Variants in ZNF593OS observed in about 807,000 individuals in gnomAD.
The protein encoded by ZNF593OS is transmembrane protein ZNF593OS.
downstream of ZNF593OS, chr1:26,169,948 C>T (rs1365746301): frequency 1.3e-6 from 2 of 1,516,148 alleles, no homozygotes; most frequent in Non-Finnish European, 1.8e-6. Context: ...CCCTGCCCTG[C>T]TCCTGGCCCC....
chr1:26,170,961 G>T (rs1309511882), exon 2 of ZNF593OS: 1 of 593,508 alleles, frequency 1.7e-6, no homozygotes, highest in Non-Finnish European at 3.0e-6. Flanking sequence ...CCAGGCCTAG[G>T]GTGTCTACTC....
chr1:26,170,098 G>C, downstream of ZNF593OS: 2 of 1,570,700 alleles, frequency 1.3e-6, no homozygotes, highest in South Asian at 2.3e-5. Context: ...GCGGCCTCAG[G>C]GATCCGCACG....
At chr1:26,170,132 A>C (rs1486131304), downstream of ZNF593OS, 10 of 1,572,242 alleles carry the variant, frequency 6.4e-6, no homozygotes, top group Non-Finnish European at 7.8e-6. Context: ...CCAAACGCCG[A>C]GTTCGACCCC....
Position 26,171,139 on chromosome 1 carries a change from C to A in ZNF593OS, c.*50G>T, listed in dbSNP as rs940206899. ...AAGAAGGCTTCTGAGATTGCACCCC[C>A]CTCCCGAGTCACCTACCCCCAGCAT... On this transcript the variant is annotated 3_prime_UTR_variant, in exon 2 of 2. Coordinates refer to ENST00000648649, the Ensembl canonical transcript of ZNF593OS. The surrounding 1 kb of genome is among the most constrained non-coding windows in gnomAD (Gnocchi z 5.5). 16 of 409,520 alleles carry A rather than the reference C, an allele frequency of 3.9e-5. No homozygotes were observed. The highest frequency in any genetic ancestry group is 6.0e-5 in the Non-Finnish European group (14 of 232,098). 25.4% of individuals were successfully genotyped at this position (409,520 alleles called of 1,614,324 possible). A position where few individuals can be genotyped will look rare whatever the true frequency, so the allele number is the denominator to read the frequency against.
downstream of ZNF593OS, chr1:26,169,964 C>T (rs2232648): frequency 0.29 from 446,771 of 1,526,502 alleles, 68,950 homozygotes; most frequent in Non-Finnish European, 0.32. Flanking sequence ...GCCCCTTGGC[C>T]GGCCGGGCTG....
chr1:26,169,983 C>T (rs2088468055), downstream of ZNF593OS: 4 of 1,541,868 alleles, frequency 2.6e-6, no homozygotes, highest in South Asian at 1.2e-5. Context: ...TGTTTCTGGC[C>T]ATGGGTCGCT....
downstream of ZNF593OS, chr1:26,169,969 G>T: frequency 6.5e-7 from 1 of 1,531,832 alleles, no homozygotes; most frequent in Non-Finnish European, 8.8e-7. Flanking sequence ...TTGGCCGGCC[G>T]GGCTGTTTCT....
chr1:26,169,820 G>T, downstream of ZNF593OS: 1 of 741,160 alleles, frequency 1.3e-6, no homozygotes, highest in Non-Finnish European at 2.0e-6. Context: ...CGGCCGCCTG[G>T]CGGCGCTCGA....
downstream of ZNF593OS, chr1:26,169,665 G>GC (rs1273318528): frequency 2.2e-6 from 1 of 449,366 alleles, no homozygotes; most frequent in African/African-American, 2.1e-5. Context: ...GTTGGACCAG[G>GC]CCAGGAAGAG....
chr1:26,170,275 T>C, downstream of ZNF593OS: 1 of 1,551,404 alleles, frequency 6.4e-7, no homozygotes, highest in Non-Finnish European at 8.7e-7. Context: ...GCGCAGAGTC[T>C]TCTCTCTTGG....
At chr1:26,169,944 C>T (rs562127693), downstream of ZNF593OS, 37 of 1,511,138 alleles carry the variant, frequency 2.4e-5, no homozygotes, top group East Asian at 2.0e-4. Flanking sequence ...TGCTCCCTGC[C>T]CTGCTCCTGG....
At chr1:26,170,657 C>T in exon 2 of ZNF593OS, 1 of 1,612,088 alleles carries the variant, frequency 6.2e-7, no homozygotes, top group Non-Finnish European at 8.5e-7. Flanking sequence ...GCCCCCCAGG[C>T]GGCTGGCAGT....
At chr1:26,170,885 C>T (rs561338936) in exon 2 of ZNF593OS, 9 of 834,588 alleles carry the variant, frequency 1.1e-5, no homozygotes, top group South Asian at 5.5e-5. Flanking sequence ...TTGCCTCCAA[C>T]TCTAACTTCC....
downstream of ZNF593OS, chr1:26,169,694 C>T: frequency 2.1e-6 from 1 of 484,586 alleles, no homozygotes. Context: ...CAAGACGGCC[C>T]CGAAACCCCC....
downstream of ZNF593OS, chr1:26,169,920 A>AGTGCTCACACGT: frequency 6.9e-7 from 1 of 1,457,760 alleles, no homozygotes; most frequent in Non-Finnish European, 9.1e-7. Context: ...TCGGCCCGGA[A>AGTGCTCACACGT]GTGCTCACAC....
rs1032143588 is a variant in ZNF593OS at position 26,171,234 on chromosome 1, G to A, written c.147C>T (p.Ala49=). 9.8e-6 allele frequency: 4 copies of A among 407,352 alleles called. No individual in the cohort carries two copies. The highest frequency in any genetic ancestry group is 3.5e-5 in the East Asian group (1 of 28,424). 25.2% of individuals were successfully genotyped at this position (407,352 alleles called of 1,614,324 possible). The change falls in exon 2 of 2, where the codon GCC becomes GCT. Residue 49 remains alanine, a synonymous_variant. Coordinates refer to ENST00000648649, the Ensembl canonical transcript of ZNF593OS. The surrounding 1 kb of genome is among the most constrained non-coding windows in gnomAD (Gnocchi z 5.5). ...GCCGCTGCCCCACCATCTTCCAGAC[G>A]GCATAGCAGGAGCCACCCAGGCCGA...
chr1:26,170,366 C>A, downstream of ZNF593OS: 6 of 1,577,590 alleles, frequency 3.8e-6, no homozygotes, highest in Non-Finnish European at 5.2e-6. Flanking sequence ...GAGATAGGTG[C>A]ACTTGGGAGA....
Position 26,171,427 on chromosome 1 carries a change from A to G in ZNF593OS, c.46-92T>C, listed in dbSNP as rs2088496667. 1 of 398,908 alleles carries G rather than the reference A, an allele frequency of 2.5e-6. No individual in the cohort carries two copies. Among genetic ancestry groups the G allele is most frequent in the Non-Finnish European group, 4.4e-6 (1 of 226,398 alleles). The allele number at this position is 398,908 out of a possible 1,614,324, so 24.7% of individuals were successfully genotyped here. ...AGGGCTGAGTAGATGTAGCTAGGGG[A>G]AGGAGACATGGACGCCGGTCCTGCC... is the stretch of plus-strand genomic sequence containing the variant. On this transcript the variant is annotated intron_variant, in intron 1 of 1. Coordinates refer to ENST00000648649, the Ensembl canonical transcript of ZNF593OS. This position sits in a 1 kb window ranked among gnomAD's most constrained non-coding sequence, Gnocchi z 5.5.
Position 26,171,186 on chromosome 1 carries a change from T to C in ZNF593OS, c.*3A>G. ...GCATCCAAGTGAGAGTCTCTCTTCT[T>C]CGTTACGGGGCCCGTGGCACCCGCC... On this transcript the variant is annotated 3_prime_UTR_variant, in exon 2 of 2. Coordinates refer to ENST00000648649, the Ensembl canonical transcript of ZNF593OS. The surrounding 1 kb of genome is among the most constrained non-coding windows in gnomAD (Gnocchi z 5.5). The C allele has an allele frequency of 2.5e-6, 1 of 405,854 alleles. No individual in the cohort carries two copies. The allele number at this position is 405,854 out of a possible 1,614,324, so 25.1% of individuals were successfully genotyped here.
Sources: allele counts gnomAD v4.1 joint callset, GRCh38; gene constraint gnomAD v4.1.1; non-coding constraint Gnocchi (gnomAD v3.1); transcripts MANE v1.5; gene names NCBI Gene and HGNC (gene_info 2026-07-23, HGNC 2026-07-21).